PCSK5: variants seen among roughly 807,000 people sequenced by gnomAD.
The protein encoded by PCSK5 is prohormone convertase 5.
PCSK5 carries 129 observed loss-of-function variants against 233.2 expected under a neutral mutation model. The observed-to-expected ratio is 0.55, with a 90% CI of 0.48 to 0.64. The LOEUF is 0.64. Among genes scored for constraint, PCSK5 ranks in the 30% least tolerant of loss-of-function variants. PCSK5 has a pLI of 0.00. For synonymous variants in PCSK5, 825 were observed against 879.2 expected (o/e 0.94, Z 1.09); for missense variants, 2,076 against 2,430.1 (o/e 0.85, Z 3.06).
At chr9:75,924,700 C>T (rs1375248844) in intron 1 of PCSK5, among the ~76,000 whole-genome samples, 1 of 152,082 alleles carries the variant, frequency 6.6e-6, no homozygotes, top group Non-Finnish European at 1.5e-5. Flanking sequence ...TGGAAATATT[C>T]CTAGAAAATA....
rs368227981 is a variant in PCSK5 at position 76,290,937 on chromosome 9, C to T, written c.3143-1296C>T. 1.4e-4 allele frequency among the ~76,000 whole-genome samples: 21 copies of T among 152,304 alleles called. No homozygotes were observed. In the East Asian group the frequency reaches 2.7e-3, roughly 20 times the overall value. On this transcript the variant is annotated intron_variant, in intron 24 of 37. Coordinates refer to ENST00000674117, the MANE Select transcript of PCSK5 (RefSeq NM_001372043.1). ...TTGTCCAACCAGCTCATTTTACACC[C>T]GCAGAAACCAGGACCCAGAAAGTAG... is the stretch of plus-strand genomic sequence containing the variant.
intron 35 of PCSK5, among the ~76,000 whole-genome samples, chr9:76,347,242 C>T (rs1306861413): frequency 6.6e-6 from 1 of 152,120 alleles, no homozygotes; most frequent in East Asian, 1.9e-4. Flanking sequence ...AGTTGCTCTG[C>T]ATTTGTTGAA....
At chr9:75,975,283 A>G (rs775377739) in intron 2 of PCSK5, among the ~76,000 whole-genome samples, 4 of 152,148 alleles carry the variant, frequency 2.6e-5, no homozygotes, top group Non-Finnish European at 5.9e-5. Flanking sequence ...CTAGGAGAAG[A>G]CAGTATGTGC....
intron 2 of PCSK5, among the ~76,000 whole-genome samples, chr9:75,935,926 CTACTT>C (rs559503680): frequency 1.1e-3 from 168 of 152,240 alleles, no homozygotes; most frequent in Middle Eastern, 6.8e-3. Context: ...GCCAGTTTCT[CTACTT>C]TAAAATTACT....
chr9:75,915,332 G>A (rs1382487112), intron 1 of PCSK5, among the ~76,000 whole-genome samples: 1 of 152,192 alleles, frequency 6.6e-6, no homozygotes, highest in Non-Finnish European at 1.5e-5. Flanking sequence ...TTATGGGTCT[G>A]TAGAACTTAT....
intron 28 of PCSK5, among the ~76,000 whole-genome samples, chr9:76,302,795 T>C (rs536498956): frequency 1.9e-4 from 29 of 152,214 alleles, no homozygotes; most frequent in African/African-American, 6.3e-4. Context: ...GGAGAAGGGA[T>C]TGGGAGAGAG....
intron 1 of PCSK5, among the ~76,000 whole-genome samples, chr9:75,907,314 G>A (rs911302203): frequency 9.2e-5 from 14 of 152,086 alleles, no homozygotes; most frequent in South Asian, 2.1e-4. Flanking sequence ...GACATGGAAC[G>A]TACGTAAAAT....
chr9:76,210,618 C>T (rs1458434839), intron 20 of PCSK5, among the ~76,000 whole-genome samples: 19 of 152,146 alleles, frequency 1.2e-4, no homozygotes, highest in Admixed American at 1.2e-3. Flanking sequence ...GTCATTCCTT[C>T]GAGCTTTATT....
intron 8 of PCSK5, among the ~76,000 whole-genome samples, chr9:76,101,261 T>C (rs572490921): frequency 6.6e-6 from 1 of 152,328 alleles, no homozygotes; most frequent in Admixed American, 6.5e-5. Flanking sequence ...GCTTTACAAG[T>C]TGTTTATATA....
At chr9:76,026,287 G>A (rs1460523109) in intron 4 of PCSK5, among the ~76,000 whole-genome samples, 1 of 152,136 alleles carries the variant, frequency 6.6e-6, no homozygotes, top group Non-Finnish European at 1.5e-5. Context: ...TCCTCATTTT[G>A]AAATCTTAGT....
At chr9:76,078,386 C>T (rs1217193156) in intron 7 of PCSK5, among the ~76,000 whole-genome samples, 1 of 152,150 alleles carries the variant, frequency 6.6e-6, no homozygotes, top group Non-Finnish European at 1.5e-5. Context: ...CCTAGATTTT[C>T]CTCTAGGATT....
intron 31 of PCSK5, 51 bp downstream of exon 31, chr9:76,321,690 G>T (rs950085713): frequency 1.6e-6 from 2 of 1,216,172 alleles, no homozygotes; most frequent in African/African-American, 1.5e-5. Context: ...GCCACCAGTT[G>T]GGGGCCGATT....
At chr9:76,134,293 C>A (rs1326367181) in intron 10 of PCSK5, 81 bp downstream of exon 10, 1 of 788,900 alleles carries the variant, frequency 1.3e-6, no homozygotes, top group Non-Finnish European at 2.0e-6. Context: ...GGAAACAGAA[C>A]CCCTCAAACG....
At chr9:76,000,510 A>T (rs1339811098) in intron 3 of PCSK5, among the ~76,000 whole-genome samples, 3 of 152,012 alleles carry the variant, frequency 2.0e-5, no homozygotes, top group African/African-American at 4.8e-5. Flanking sequence ...TTCTTCATTT[A>T]CTCGCTAGAA....
At chr9:76,056,377 A>G (rs1453056860) in intron 5 of PCSK5, among the ~76,000 whole-genome samples, 1 of 152,180 alleles carries the variant, frequency 6.6e-6, no homozygotes, top group African/African-American at 2.4e-5. Context: ...GATACGGAAG[A>G]AAAAAAGTTC....
At chr9:76,311,945 A>G (rs1275126273) in intron 30 of PCSK5, among the ~76,000 whole-genome samples, 1 of 152,204 alleles carries the variant, frequency 6.6e-6, no homozygotes, top group East Asian at 1.9e-4. Context: ...GAAGAAAAGA[A>G]AATTTCCTCA....
intron 5 of PCSK5, among the ~76,000 whole-genome samples, chr9:76,044,029 A>G (rs552386893): frequency 6.6e-6 from 1 of 152,316 alleles, no homozygotes; most frequent in African/African-American, 2.4e-5. Context: ...GGGTGGCTTG[A>G]AAAATGTTAC....
chr9:76,005,270 A>AT (rs1827428754), intron 3 of PCSK5, among the ~76,000 whole-genome samples: 1 of 151,852 alleles, frequency 6.6e-6, no homozygotes, highest in African/African-American at 2.4e-5. Flanking sequence ...GCTTGAACAA[A>AT]TTTTTTTCTC....
At chr9:76,108,243 A>G (rs369275404) in intron 9 of PCSK5, among the ~76,000 whole-genome samples, 2 of 152,322 alleles carry the variant, frequency 1.3e-5, no homozygotes, top group South Asian at 4.1e-4. Context: ...CAATTTTAGA[A>G]TAGGGATTGA....
Sources: gnomAD v4.1 joint callset for allele counts (sites outside exome capture counted in the v4.1 genomes callset) on GRCh38, gnomAD v4.1.1 for gene constraint, MANE v1.5 for transcripts, NCBI Gene and HGNC (gene_info 2026-07-23, HGNC 2026-07-21) for gene names.